Variants in EYA2 observed in about 807,000 individuals in gnomAD.
The protein encoded by EYA2 is protein phosphatase EYA2.
A neutral mutation model predicts 69.2 loss-of-function variants in EYA2; 31 were observed. That is an observed-to-expected ratio of 0.45 (90% CI 0.34 to 0.60). The LOEUF (loss-of-function observed/expected upper bound fraction) is 0.60. Among genes scored for constraint, EYA2 ranks in the 20% least tolerant of loss-of-function variants. The pLI is 0.02. For missense variants in EYA2, 622 were observed against 701.2 expected (o/e 0.89, Z 1.28); for synonymous variants, 257 against 279.4 (o/e 0.92, Z 0.80).
chr20:47,070,284 A>G (rs960959691), intron 5 of EYA2, among the ~76,000 whole-genome samples: 5 of 152,240 alleles, frequency 3.3e-5, no homozygotes, highest in African/African-American at 1.2e-4. Context: ...GAATGGCTAA[A>G]AAGCACATGA....
At chr20:47,093,428 T>C (rs905962640) in intron 8 of EYA2, among the ~76,000 whole-genome samples, 5 of 152,080 alleles carry the variant, frequency 3.3e-5, no homozygotes, top group Non-Finnish European at 7.3e-5. Flanking sequence ...TCAGCAGCTT[T>C]CTCACATTAG....
intron 5 of EYA2, among the ~76,000 whole-genome samples, chr20:47,030,869 G>C (rs898092327): frequency 6.6e-6 from 1 of 152,124 alleles, no homozygotes; most frequent in Non-Finnish European, 1.5e-5. Flanking sequence ...CGATCCTCTC[G>C]TCTCAGCCTC....
At chr20:46,957,573 ACACAC>A (rs772061655) in intron 1 of EYA2, among the ~76,000 whole-genome samples, 28,732 of 135,522 alleles carry the variant, frequency 0.21, 3,290 homozygotes, top group Non-Finnish European at 0.25. Flanking sequence ...ACACACACAC[ACACAC>A]GAAGACAATG....
chr20:47,012,054 C>T (rs191545391), intron 4 of EYA2, among the ~76,000 whole-genome samples: 1 of 152,292 alleles, frequency 6.6e-6, no homozygotes, highest in East Asian at 1.9e-4. Context: ...AAGCTCCAAC[C>T]GCTACAGTAT....
chr20:47,003,607 TAAC>T (rs766472274), intron 3 of EYA2, among the ~76,000 whole-genome samples: 195 of 152,370 alleles, frequency 1.3e-3, no homozygotes, highest in Admixed American at 2.8e-3. Context: ...TTTCAAATTT[TAAC>T]AACAATTTCA....
At chr20:47,115,547 C>T (rs2032865399) in intron 9 of EYA2, among the ~76,000 whole-genome samples, 1 of 152,086 alleles carries the variant, frequency 6.6e-6, no homozygotes, top group Non-Finnish European at 1.5e-5. Flanking sequence ...TTAACTGACC[C>T]ATACGCCAAC....
chr20:47,023,403 G>GTGC (rs1253799627), intron 5 of EYA2, among the ~76,000 whole-genome samples: 6 of 152,050 alleles, frequency 3.9e-5, no homozygotes, highest in African/African-American at 1.2e-4. Flanking sequence ...TATGATTCTC[G>GTGC]TGCTCTGTGT....
At chr20:46,931,868 C>T (rs551509758) in intron 1 of EYA2, among the ~76,000 whole-genome samples, 1 of 151,986 alleles carries the variant, frequency 6.6e-6, no homozygotes, top group Non-Finnish European at 1.5e-5. Context: ...CCTTCTCCAC[C>T]AATAGGAGTC....
chr20:46,910,728 G>C (rs149695392), intron 1 of EYA2, among the ~76,000 whole-genome samples: 1 of 152,114 alleles, frequency 6.6e-6, no homozygotes. Context: ...CAGTAACATC[G>C]GGTACACACA....
intron 4 of EYA2, among the ~76,000 whole-genome samples, chr20:47,010,685 A>ATATG (rs1555812143): frequency 6.8e-6 from 1 of 148,050 alleles, no homozygotes; most frequent in Non-Finnish European, 1.5e-5. Context: ...ACATATATAT[A>ATATG]TGTGTATGTG....
At chr20:46,921,006 G>T (rs771736183) in intron 1 of EYA2, among the ~76,000 whole-genome samples, 3 of 152,208 alleles carry the variant, frequency 2.0e-5, no homozygotes, top group Non-Finnish European at 4.4e-5. Flanking sequence ...CCTGTTGAGC[G>T]AGGTGTCACC....
intron 3 of EYA2, among the ~76,000 whole-genome samples, chr20:47,001,794 T>A (rs1982394268): frequency 6.6e-6 from 1 of 151,670 alleles, no homozygotes; most frequent in African/African-American, 2.4e-5. Flanking sequence ...ATTCTTTTTT[T>A]TTTTTTTATT....
intron 1 of EYA2, among the ~76,000 whole-genome samples, chr20:46,914,402 C>T (rs558375633): frequency 6.6e-5 from 10 of 152,210 alleles, no homozygotes; most frequent in African/African-American, 2.2e-4. Context: ...ACTCCATTCT[C>T]ACACTGCCAA....
At chr20:47,075,692 A>G (rs952179129) in intron 7 of EYA2, among the ~76,000 whole-genome samples, 12 of 150,298 alleles carry the variant, frequency 8.0e-5, no homozygotes, top group African/African-American at 2.9e-4. Context: ...AAGCATGTTC[A>G]TTTTTTTTTT....
intron 3 of EYA2, among the ~76,000 whole-genome samples, chr20:47,004,527 A>G (rs1341539471): frequency 6.6e-6 from 1 of 152,190 alleles, no homozygotes; most frequent in Non-Finnish European, 1.5e-5. Context: ...GAAACCCTGC[A>G]AGGCAGCTCT....
chr20:47,046,035 A>G (rs1402066046), intron 5 of EYA2, among the ~76,000 whole-genome samples: 1 of 152,208 alleles, frequency 6.6e-6, no homozygotes, highest in Non-Finnish European at 1.5e-5. Context: ...CTTATAAACA[A>G]CAGACATTTA....
At chr20:47,004,853 C>G in intron 3 of EYA2, 89 bp from the exon 4 acceptor site, 1 of 1,581,592 alleles carries the variant, frequency 6.3e-7, no homozygotes, top group Non-Finnish European at 8.7e-7. Context: ...AGTAGAACCC[C>G]AAAGAAAAAT....
At chr20:47,087,395 G>A (rs1200792724) in intron 7 of EYA2, among the ~76,000 whole-genome samples, 2 of 152,224 alleles carry the variant, frequency 1.3e-5, no homozygotes, top group Non-Finnish European at 2.9e-5. Context: ...GGGATGGGAT[G>A]TCCTCGAAGG....
At chr20:47,068,619 T>G (rs1316488890) in intron 5 of EYA2, among the ~76,000 whole-genome samples, 1 of 152,210 alleles carries the variant, frequency 6.6e-6, no homozygotes, top group Non-Finnish European at 1.5e-5. Context: ...AGACTGCTTT[T>G]TTGTTCTGTT....
Sources: allele counts gnomAD v4.1 joint callset (sites outside exome capture counted in the v4.1 genomes callset), GRCh38; gene constraint gnomAD v4.1.1; transcripts MANE v1.5; gene names NCBI Gene and HGNC (gene_info 2026-07-23, HGNC 2026-07-21).